INPP5A: variants seen among roughly 807,000 people sequenced by gnomAD.
INPP5A encodes the protein inositol polyphosphate-5-phosphatase A, also known as 43 kDa inositol polyphosphate 5-phophatase.
A neutral mutation model predicts 65.2 loss-of-function variants in INPP5A; 14 were observed. That is an observed-to-expected ratio of 0.21 (90% CI 0.14 to 0.34). INPP5A has a LOEUF of 0.34. INPP5A is among the 10% of genes least tolerant of loss of function. INPP5A has a pLI of 1.00. For missense variants in INPP5A, 431 were observed against 545.6 expected (o/e 0.79, Z 2.09); for synonymous variants, 207 against 208.3 (o/e 0.99, Z 0.05).
chr10:132,547,718 A>G lies in INPP5A; in HGVS notation c.75+9547A>G, dbSNP rs1366525412. Among the ~76,000 whole-genome samples the G allele has an allele frequency of 6.6e-6, 1 of 152,008 alleles. No individual in the cohort carries two copies. The highest frequency in any genetic ancestry group is 1.5e-5 in the Non-Finnish European group (1 of 67,978). On this transcript the variant is annotated intron_variant, in intron 1 of 15. Coordinates refer to ENST00000368594, the MANE Select transcript of INPP5A (RefSeq NM_005539.5). This position sits in a 1 kb window ranked among gnomAD's most constrained non-coding sequence, Gnocchi z 5.5. Reference sequence around the variant, plus strand: ...TTCCTCCGGGACGCCTCGCCTAGGCAAGCAGGGTTTTCCTCCTTCACGGGA... The same window carrying G: ...TTCCTCCGGGACGCCTCGCCTAGGCGAGCAGGGTTTTCCTCCTTCACGGGA...
Position 132,727,019 on chromosome 10 carries a change from TGCA to T in INPP5A, c.732+115_732+117del. ...TTTCAATGCCATCCGCCTCCCGGGA[TGCA>T]CTTTTTAAGGCAAAACCTTTCAATG... On this transcript the variant is annotated intron_variant, in intron 9 of 15. Transcript: ENST00000368594. The surrounding 1 kb of genome is among the most constrained non-coding windows in gnomAD (Gnocchi z 6.5). The T allele has an allele frequency of 1.6e-6, 1 of 639,062 alleles. No homozygotes were observed. The allele number at this position is 639,062 out of a possible 1,614,324, so 39.6% of individuals were successfully genotyped here.
intron 9 of INPP5A, among the ~76,000 whole-genome samples, chr10:132,740,405 A>G (rs12780199): frequency 0.25 from 38,430 of 152,128 alleles, 5,321 homozygotes; most frequent in Non-Finnish European, 0.31. Flanking sequence ...CAGCGAAAGC[A>G]TTACGTTGGT....
intron 1 of INPP5A, among the ~76,000 whole-genome samples, chr10:132,602,625 T>G (rs887869898): frequency 6.6e-6 from 1 of 152,214 alleles, no homozygotes; most frequent in African/African-American, 2.4e-5. Context: ...GTGGAATTTC[T>G]AGGGTTTTGT....
At chr10:132,606,838 C>T (rs544204502) in intron 1 of INPP5A, among the ~76,000 whole-genome samples, 4 of 152,350 alleles carry the variant, frequency 2.6e-5, no homozygotes, top group African/African-American at 4.8e-5. Context: ...TTTTTAATCG[C>T]GGCAAAAACC....
intron 1 of INPP5A, among the ~76,000 whole-genome samples, chr10:132,607,286 G>A (rs1399532726): frequency 1.3e-5 from 2 of 152,228 alleles, no homozygotes; most frequent in African/African-American, 2.4e-5. Flanking sequence ...GGTCTCTGGC[G>A]GGGCTGGAGT....
rs113318557 is a variant in INPP5A, at chr10:132,664,309, G to T, written c.306+13804G>T. Among the ~76,000 whole-genome samples the T allele has an allele frequency of 8.1e-3, 1,241 of 152,332 alleles. 6 individuals carry two copies. The highest frequency in any genetic ancestry group is 0.013 in the Non-Finnish European group (857 of 68,030). ...TGAAGGAGACCGAAGGAAACTGAAT[G>T]AACAAATATTTTCTCCAAAGCCCGT... On this transcript the variant is annotated intron_variant, in intron 4 of 15. Transcript: ENST00000368594.
intron 12 of INPP5A, among the ~76,000 whole-genome samples, chr10:132,771,799 G>A (rs2478787): frequency 0.025 from 1,569 of 62,670 alleles, 89 homozygotes; most frequent in Non-Finnish European, 0.036. Flanking sequence ...GCACTGACAC[G>A]GAGGCCCAGG....
At chr10:132,607,873 C>G (rs747882329) in intron 1 of INPP5A, 42 bp from the exon 2 acceptor site, 7 of 1,582,026 alleles carry the variant, frequency 4.4e-6, no homozygotes, top group Non-Finnish European at 6.0e-6. Context: ...TAGGGCTGTG[C>G]CATTGGTCTG....
chr10:132,755,109 G>C (rs1846570731), intron 11 of INPP5A, among the ~76,000 whole-genome samples: 1 of 151,964 alleles, frequency 6.6e-6, no homozygotes, highest in Non-Finnish European at 1.5e-5. Context: ...AGGCAAGTGT[G>C]TGAGCTGGCG....
chr10:132,586,255 G>A (rs564316164), intron 1 of INPP5A, among the ~76,000 whole-genome samples: 4 of 152,290 alleles, frequency 2.6e-5, no homozygotes, highest in South Asian at 4.1e-4. Context: ...CCCCACCTCC[G>A]ACTCTGTTAC....
At chr10:132,625,145 C>T (rs1451772808) in intron 2 of INPP5A, among the ~76,000 whole-genome samples, 2 of 138,792 alleles carry the variant, frequency 1.4e-5, no homozygotes, top group Non-Finnish European at 3.1e-5. Flanking sequence ...TCCTTCCCTC[C>T]CTCCAGCTGG....
Position 132,723,803 on chromosome 10 carries a change from C to G in INPP5A, c.648-3018C>G, listed in dbSNP as rs1472363718. ...CGCCCTCCCTCGGGAGCCTCTGTGC[C>G]CCGGGCTGCCGCTCTCCTGGGGTCT... On this transcript the variant is annotated intron_variant, in intron 8 of 15. Transcript: ENST00000368594. Among the ~76,000 whole-genome samples, 3 of 152,154 alleles carry G rather than the reference C, an allele frequency of 2.0e-5. No individual in the cohort carries two copies. The East Asian group carries it at 5.8e-4, about 29-fold the overall frequency.
At chr10:132,661,170 C>G (rs2072732460) in intron 4 of INPP5A, among the ~76,000 whole-genome samples, 1 of 152,238 alleles carries the variant, frequency 6.6e-6, no homozygotes, top group African/African-American at 2.4e-5. Flanking sequence ...GTTTCAAAAA[C>G]ACAATCCAGC....
chr10:132,646,061 C>T (rs762930001), intron 3 of INPP5A, 93 bp downstream of exon 3: 56 of 807,912 alleles, frequency 6.9e-5, no homozygotes, highest in Non-Finnish European at 1.1e-4. Flanking sequence ...TCACCAGCCT[C>T]ACCATTCGGG....
intron 9 of INPP5A, among the ~76,000 whole-genome samples, chr10:132,731,059 G>A (rs759478666): frequency 1.4e-4 from 21 of 152,134 alleles, no homozygotes; most frequent in Non-Finnish European, 1.6e-4. Flanking sequence ...CCCTGTTCTC[G>A]GAACCACAGC....
intron 2 of INPP5A, among the ~76,000 whole-genome samples, chr10:132,629,303 C>A (rs2072233881): frequency 6.6e-6 from 1 of 152,218 alleles, no homozygotes; most frequent in Non-Finnish European, 1.5e-5. Context: ...GAGGGAACCC[C>A]AGCTCTGTTG....
chr10:132,611,691 T>G (rs1459940618), intron 2 of INPP5A, among the ~76,000 whole-genome samples: 8 of 76,330 alleles, frequency 1.0e-4, no homozygotes, highest in South Asian at 4.6e-4. Flanking sequence ...GTGAGGGAGG[T>G]GAGGTGGGCA....
chr10:132,652,869 G>A (rs758489593), intron 4 of INPP5A, among the ~76,000 whole-genome samples: 12 of 152,234 alleles, frequency 7.9e-5, no homozygotes, highest in Non-Finnish European at 1.6e-4. Context: ...GGAGGACATA[G>A]CGGTCGTGAA....
At chr10:132,723,062 G>A (rs1393728538) in intron 8 of INPP5A, among the ~76,000 whole-genome samples, 1 of 152,214 alleles carries the variant, frequency 6.6e-6, no homozygotes, top group Admixed American at 6.5e-5. Context: ...TTATTAATGG[G>A]CTCAAGCTGT....
Sources: gnomAD v4.1 joint callset for allele counts (sites outside exome capture counted in the v4.1 genomes callset) on GRCh38, gnomAD v4.1.1 for gene constraint, Gnocchi (gnomAD v3.1) non-coding constraint, MANE v1.5 for transcripts, NCBI Gene and HGNC (gene_info 2026-07-23, HGNC 2026-07-21) for gene names.